Variants in MACROD2 observed in about 807,000 individuals in gnomAD.
MACROD2 encodes the protein ADP-ribose glycohydrolase MACROD2.
A neutral mutation model predicts 70.4 loss-of-function variants in MACROD2; 36 were observed. The ratio of observed to expected loss-of-function variants is 0.51; its 90% CI spans 0.39 to 0.68. MACROD2 has a LOEUF of 0.68. MACROD2 is among the 30% of genes least tolerant of loss of function. The pLI is 0.00. For synonymous variants in MACROD2, 172 were observed against 178.8 expected (o/e 0.96, Z 0.30); for missense variants, 496 against 538.4 (o/e 0.92, Z 0.78).
intron 15 of MACROD2, among the ~76,000 whole-genome samples, chr20:16,036,217 A>G (rs151208081): frequency 6.6e-6 from 1 of 152,036 alleles, no homozygotes; most frequent in East Asian, 1.9e-4. Context: ...AATTACTTGT[A>G]ATTCTATTTG....
intron 8 of MACROD2, among the ~76,000 whole-genome samples, chr20:15,721,598 TC>T (rs2050788271): frequency 1.3e-5 from 2 of 152,216 alleles, no homozygotes; most frequent in African/African-American, 4.8e-5. Context: ...TAGAATTTTT[TC>T]CTAAGTTAAT....
At chr20:14,843,756 A>C (rs908506590) in intron 5 of MACROD2, among the ~76,000 whole-genome samples, 1 of 152,132 alleles carries the variant, frequency 6.6e-6, no homozygotes, top group African/African-American at 2.4e-5. Flanking sequence ...ATTTGGCCCA[A>C]ACTGGCTTCT....
At chr20:14,170,324 G>C (rs1281112324) in intron 3 of MACROD2, among the ~76,000 whole-genome samples, 3 of 152,152 alleles carry the variant, frequency 2.0e-5, no homozygotes, top group Non-Finnish European at 4.4e-5. Context: ...TAATGATTTA[G>C]ATCCCCTTTA....
intron 15 of MACROD2, among the ~76,000 whole-genome samples, chr20:15,995,009 C>T (rs997288930): frequency 1.3e-5 from 2 of 151,984 alleles, no homozygotes; most frequent in Non-Finnish European, 2.9e-5. Context: ...TACACTGAGA[C>T]TAGAAAATGG....
chr20:14,686,570 C>T (rs2071004887), intron 5 of MACROD2, among the ~76,000 whole-genome samples: 1 of 152,280 alleles, frequency 6.6e-6, no homozygotes, highest in South Asian at 2.1e-4. Context: ...GCTATGTTTA[C>T]ATACTTACCA....
chr20:14,637,749 A>G (rs1248383418), intron 4 of MACROD2, among the ~76,000 whole-genome samples: 3 of 152,130 alleles, frequency 2.0e-5, no homozygotes, highest in African/African-American at 7.2e-5. Context: ...CAGTTTTCCA[A>G]CAGTGTGAAT....
intron 8 of MACROD2, among the ~76,000 whole-genome samples, chr20:15,614,797 G>A (rs1205555568): frequency 6.6e-6 from 1 of 152,052 alleles, no homozygotes; most frequent in Admixed American, 6.6e-5. Context: ...AATAATGGGT[G>A]TTAACTTTTT....
chr20:15,609,593 G>A (rs748966141), intron 8 of MACROD2, among the ~76,000 whole-genome samples: 1 of 139,346 alleles, frequency 7.2e-6, no homozygotes, highest in African/African-American at 3.1e-5. Context: ...CCATGTGAGT[G>A]GAAGGTGATC....
intron 3 of MACROD2, among the ~76,000 whole-genome samples, chr20:14,489,783 G>A (rs1332391447): frequency 1.3e-5 from 2 of 151,854 alleles, no homozygotes; most frequent in Admixed American, 1.3e-4. Flanking sequence ...GGGTAGAAAT[G>A]GAGTGGAAAA....
intron 13 of MACROD2, among the ~76,000 whole-genome samples, chr20:15,972,499 A>G (rs1424137483): frequency 1.3e-5 from 2 of 152,178 alleles, no homozygotes; most frequent in East Asian, 1.9e-4. Context: ...GACAAGTTAC[A>G]TATAGAAGAC....
chr20:14,725,842 T>G (rs1325854656), intron 5 of MACROD2, among the ~76,000 whole-genome samples: 1 of 152,048 alleles, frequency 6.6e-6, no homozygotes, highest in African/African-American at 2.4e-5. Flanking sequence ...CCTCAGCACT[T>G]TGGGGCTGCT....
intron 8 of MACROD2, among the ~76,000 whole-genome samples, chr20:15,840,259 G>A (rs1287922941): frequency 1.3e-5 from 2 of 152,136 alleles, no homozygotes; most frequent in Admixed American, 6.6e-5. Context: ...TTTACCTGTT[G>A]GCAGAAAACA....
chr20:14,311,558 C>A (rs764995042), intron 3 of MACROD2, among the ~76,000 whole-genome samples: 5 of 152,114 alleles, frequency 3.3e-5, no homozygotes, highest in Non-Finnish European at 7.3e-5. Context: ...CACTCCGTCA[C>A]CCAGGCTGGA....
At chr20:15,747,284 C>T (rs1264644892) in intron 8 of MACROD2, among the ~76,000 whole-genome samples, 2 of 152,046 alleles carry the variant, frequency 1.3e-5, no homozygotes, top group Non-Finnish European at 2.9e-5. Flanking sequence ...GCACCTGAGT[C>T]CCTGACTGCA....
At chr20:14,388,794 C>T (rs2083494864) in intron 3 of MACROD2, among the ~76,000 whole-genome samples, 1 of 151,952 alleles carries the variant, frequency 6.6e-6, no homozygotes, top group African/African-American at 2.4e-5. Context: ...TATATGGGTC[C>T]CATGGTGGTT....
intron 6 of MACROD2, among the ~76,000 whole-genome samples, chr20:15,299,172 GGT>G (rs893387046): frequency 4.6e-5 from 7 of 151,852 alleles, no homozygotes; most frequent in African/African-American, 1.7e-4. Flanking sequence ...ATAATGTGTG[GGT>G]GTGTGTGTGT....
intron 5 of MACROD2, among the ~76,000 whole-genome samples, chr20:15,179,857 G>A (rs1321634143): frequency 2.0e-5 from 3 of 152,194 alleles, no homozygotes; most frequent in African/African-American, 7.2e-5. Flanking sequence ...CTGCGTTAAT[G>A]TGTTAGGGAT....
chr20:15,750,042 A>G (rs2051244811), intron 8 of MACROD2, among the ~76,000 whole-genome samples: 1 of 152,152 alleles, frequency 6.6e-6, no homozygotes, highest in African/African-American at 2.4e-5. Flanking sequence ...ACAGCAAAGG[A>G]AAAACAGAGT....
intron 6 of MACROD2, 95 bp downstream of exon 6, chr20:15,230,156 A>C (rs1253997051): frequency 3.4e-6 from 4 of 1,189,374 alleles, no homozygotes; most frequent in Admixed American, 5.3e-5. Context: ...ACCATTTCCA[A>C]ACTTTTGAGA....
Sources: allele counts gnomAD v4.1 joint callset (sites outside exome capture counted in the v4.1 genomes callset), GRCh38; gene constraint gnomAD v4.1.1; transcripts MANE v1.5; gene names NCBI Gene and HGNC (gene_info 2026-07-23, HGNC 2026-07-21).